The following CACNA2D4 variants were observed in gnomAD, a reference collection of about 807,000 sequenced individuals.
The protein encoded by CACNA2D4 is calcium voltage-gated channel auxiliary subunit alpha2delta 4.
A neutral mutation model predicts 163.8 loss-of-function variants in CACNA2D4; 157 were observed. The ratio of observed to expected loss-of-function variants is 0.96; its 90% CI spans 0.84 to 1.09. The LOEUF (loss-of-function observed/expected upper bound fraction) is 1.09. Among genes scored for constraint, CACNA2D4 ranks in the 50% least tolerant of loss-of-function variants. CACNA2D4 has a pLI of 0.00. For synonymous variants in CACNA2D4, 598 were observed against 586.9 expected (o/e 1.02, Z -0.27); for missense variants, 1,410 against 1,479.9 (o/e 0.95, Z 0.78).
rs1166775848 is a variant in CACNA2D4 at position 1,800,407 on chromosome 12, C to T, written c.2900G>A (p.Trp967Ter). The T allele has an allele frequency of 1.2e-6, 2 of 1,613,968 alleles. No individual in the cohort carries two copies. The highest frequency in any genetic ancestry group is 1.3e-5 in the African/African-American group (1 of 75,030). Reference protein sequence around the residue: ...PISAFLTATRWLLQELVLFLL... With the variant: ...PISAFLTATR ...TCACAGCACCAGCTCCTGCAGCAGC[C>T]ACCTGGTCGCCGTCAAGAAGGCAGA... The change falls in exon 32 of 38, where the codon TGG becomes TAG. Residue 967 changes from tryptophan to a stop codon, truncating the protein, a stop_gained. Coordinates refer to ENST00000382722, the MANE Select transcript of CACNA2D4 (RefSeq NM_172364.5). LOFTEE classifies it high-confidence loss of function.
chr12:1,912,112 A>G (rs971768162), intron 3 of CACNA2D4, among the ~76,000 whole-genome samples: 2 of 152,174 alleles, frequency 1.3e-5, no homozygotes, highest in African/African-American at 4.8e-5. Flanking sequence ...CTGACAGTAC[A>G]CTGGAGAGGC....
Position 1,844,483 on chromosome 12 carries a change from G to C in CACNA2D4, c.2389C>G (p.Arg797Gly), listed in dbSNP as rs777004690. 3 of 1,613,354 alleles carry C rather than the reference G, an allele frequency of 1.9e-6. No homozygotes were observed. The highest frequency in any genetic ancestry group is 2.7e-5 in the African/African-American group (2 of 74,900). ...GCCTGGCGGTACCACAGCGGGAAGCGGTCCAGGGTGAACACGCTGGCCTCG... is the reference window on the plus strand; with the variant it reads ...GCCTGGCGGTACCACAGCGGGAAGCCGTCCAGGGTGAACACGCTGGCCTCG... ...EDEASVFTLD[R>G]FPLWYRQASE... The change falls in exon 25 of 38, where the codon CGC (arginine) becomes GGC (glycine). Residue 797 changes from arginine (R) to glycine (G), a missense_variant. Transcript: ENST00000382722. This position sits in a 1 kb window ranked among gnomAD's most constrained non-coding sequence, Gnocchi z 4.2.
chr12:1,910,879 A>C (rs4765862), intron 3 of CACNA2D4, among the ~76,000 whole-genome samples: 55,050 of 151,960 alleles, frequency 0.36, 11,525 homozygotes, highest in East Asian at 0.64. Flanking sequence ...TTACTTAGTA[A>C]CCGGATTCTG....
intron 24 of CACNA2D4, among the ~76,000 whole-genome samples, chr12:1,845,393 G>T (rs1289902826): frequency 7.1e-6 from 1 of 141,018 alleles, no homozygotes. Flanking sequence ...GGGTGGGGGG[G>T]AGGAGGGGAG....
intron 6 of CACNA2D4, among the ~76,000 whole-genome samples, chr12:1,887,625 A>G (rs1469507744): frequency 6.6e-6 from 1 of 152,200 alleles, no homozygotes; most frequent in East Asian, 1.9e-4. Flanking sequence ...AGGACAAATG[A>G]ATGGATATGA....
chr12:1,853,277 T>TC (rs1325904068), intron 23 of CACNA2D4, among the ~76,000 whole-genome samples: 1 of 152,210 alleles, frequency 6.6e-6, no homozygotes, highest in Non-Finnish European at 1.5e-5. Flanking sequence ...ATGGTAGCAT[T>TC]CCACATCTTG....
At chr12:1,915,267 G>A (rs112128847) in intron 1 of CACNA2D4, 34,454 of 702,556 alleles carry the variant, frequency 0.049, 1,059 homozygotes, top group Non-Finnish European at 0.064. Context: ...AGGACCCAGC[G>A]GCTGCACTGC....
intron 26 of CACNA2D4, chr12:1,831,313 T>C: frequency 6.2e-7 from 1 of 1,613,844 alleles, no homozygotes; most frequent in Non-Finnish European, 8.5e-7. Flanking sequence ...GACCTGTCCA[T>C]CAACGGCCTG....
chr12:1,893,486 C>A lies in CACNA2D4; in HGVS notation c.782-6417G>T, dbSNP rs376315568. 8.5e-5 allele frequency among the ~76,000 whole-genome samples: 13 copies of A among 152,100 alleles called. No individual in the cohort carries two copies. The East Asian group carries it at 1.5e-3, about 18-fold the overall frequency. ...TGAGCAGAGATCACACCACTGCACT[C>A]CAGCCTAGGTGACAGAGCAAAACTC... On this transcript the variant is annotated intron_variant, in intron 6 of 37. Coordinates refer to ENST00000382722, the MANE Select transcript of CACNA2D4 (RefSeq NM_172364.5).
chr12:1,806,178 A>C lies in CACNA2D4; in HGVS notation c.2721+4100T>G, dbSNP rs1863530601. 6.6e-6 allele frequency among the ~76,000 whole-genome samples: 1 copy of C among 152,184 alleles called. No homozygotes were observed. Among genetic ancestry groups the C allele is most frequent in the African/African-American group, 2.4e-5 (1 of 41,422 alleles). On this transcript the variant is annotated intron_variant, in intron 29 of 37. Transcript: ENST00000382722. The surrounding 1 kb of genome is among the most constrained non-coding windows in gnomAD (Gnocchi z 4.1). The stretch of plus-strand genomic sequence containing the variant: ...CATGGGTGGGTGCCGCCCAGAAGCA[A>C]ATGACAGGAATCGGAGTCCCCAGAT...
At chr12:1,847,018 T>TTC (rs897868951) in intron 23 of CACNA2D4, among the ~76,000 whole-genome samples, 18 of 152,282 alleles carry the variant, frequency 1.2e-4, no homozygotes, top group African/African-American at 4.3e-4. Context: ...GGAAGGGAGA[T>TTC]TCTGTCCTGG....
chr12:1,800,280 A>G, intron 32 of CACNA2D4, 106 bp downstream of exon 32: 2 of 1,259,580 alleles, frequency 1.6e-6, no homozygotes, highest in South Asian at 1.2e-5. Context: ...GGGGTCTGGT[A>G]GCAAGTGGGT....
At chr12:1,831,234 C>G (rs1405869088) in intron 26 of CACNA2D4, 1 of 1,613,848 alleles carries the variant, frequency 6.2e-7, no homozygotes. Flanking sequence ...TGAGCTTCAG[C>G]TGCGCAATAA....
intron 1 of CACNA2D4, 21 bp downstream of exon 1, chr12:1,918,225 TG>T: frequency 6.4e-7 from 1 of 1,550,980 alleles, no homozygotes; most frequent in Non-Finnish European, 8.8e-7. Flanking sequence ...GTTTTTGGGG[TG>T]GGGTTGAACG....
intron 3 of CACNA2D4, among the ~76,000 whole-genome samples, chr12:1,910,938 C>T (rs1403780396): frequency 2.6e-5 from 4 of 151,536 alleles, no homozygotes; most frequent in East Asian, 3.9e-4. Context: ...GATGGTTGTA[C>T]AACATTGTGG....
chr12:1,896,606 A>AACACAC lies in CACNA2D4; in HGVS notation c.782-9543_782-9538dup, dbSNP rs61535168. Reference sequence around the variant, plus strand: ...ATCCCAGTTAGAATAGCTATTAATAAACACACACACACACACACACACACA... The same window carrying AACACAC: ...ATCCCAGTTAGAATAGCTATTAATAAACACACACACACACACACACACACACACACA... On this transcript the variant is annotated intron_variant, in intron 6 of 37. Transcript: ENST00000382722. Among the ~76,000 whole-genome samples, 535 of 130,678 alleles carry AACACAC rather than the reference A, an allele frequency of 4.1e-3. 5 individuals carry two copies. The highest frequency in any genetic ancestry group is 7.5e-3 in the Middle Eastern group (2 of 266). 85.7% of individuals were successfully genotyped at this position (130,678 alleles called of 152,430 possible). A position where few individuals can be genotyped will look rare whatever the true frequency, so the allele number is the denominator to read the frequency against.
intron 3 of CACNA2D4, among the ~76,000 whole-genome samples, chr12:1,912,369 A>G (rs1378720221): frequency 6.6e-6 from 1 of 152,206 alleles, no homozygotes; most frequent in South Asian, 2.1e-4. Flanking sequence ...CTCAGTGCAG[A>G]CACTTCACCC....
chr12:1,902,499 TAAAC>T (rs1205372488), intron 6 of CACNA2D4, among the ~76,000 whole-genome samples: 4 of 152,150 alleles, frequency 2.6e-5, no homozygotes, highest in African/African-American at 7.2e-5. Context: ...TTAGAACTGA[TAAAC>T]AAACTCAGTA....
rs1190643754 is a variant in CACNA2D4 at position 1,878,248 on chromosome 12, C to T, written c.1719+67G>A. The T allele has an allele frequency of 6.5e-6, 10 of 1,534,428 alleles. No homozygotes were observed. Among genetic ancestry groups the T allele is most frequent in the South Asian group, 2.4e-5 (2 of 84,032 alleles). On this transcript the variant is annotated intron_variant, in intron 16 of 37. Coordinates refer to ENST00000382722, the MANE Select transcript of CACNA2D4 (RefSeq NM_172364.5). This position sits in a 1 kb window ranked among gnomAD's most constrained non-coding sequence, Gnocchi z 4.6. ...CCCAATGTGTGTTTGTTGTTTTAATCGTTTTTGTGAATTACCCCCAAATCC... is the reference window on the plus strand; with the variant it reads ...CCCAATGTGTGTTTGTTGTTTTAATTGTTTTTGTGAATTACCCCCAAATCC...
Sources: allele counts gnomAD v4.1 joint callset (sites outside exome capture counted in the v4.1 genomes callset), GRCh38; gene constraint gnomAD v4.1.1; non-coding constraint Gnocchi (gnomAD v3.1); transcripts MANE v1.5; gene names NCBI Gene and HGNC (gene_info 2026-07-23, HGNC 2026-07-21).